Variants in FAM3B observed in about 807,000 individuals in gnomAD.
The protein encoded by FAM3B is protein FAM3B.
A neutral mutation model predicts 28.4 loss-of-function variants in FAM3B; 29 were observed. The ratio of observed to expected loss-of-function variants is 1.02; its 90% CI spans 0.76 to 1.39. The LOEUF (loss-of-function observed/expected upper bound fraction) is 1.39, where lower values mean the gene tolerates loss of function less well. Ranked by LOEUF, FAM3B falls within the 40% of genes most tolerant of loss-of-function variation. FAM3B has a pLI of 0.00. For synonymous variants in FAM3B, 91 were observed against 103.0 expected, an observed-to-expected ratio of 0.88 and a Z score of 0.71; for missense variants, 266 against 293.9, an observed-to-expected ratio of 0.91 and a Z score of 0.69.
chr21:41,311,251 A>AAAAATATATATAT (rs1555866518), intron 1 of FAM3B, among the ~76,000 whole-genome samples: 1 of 35,076 alleles, frequency 2.9e-5, no homozygotes, highest in African/African-American at 1.2e-4. Context: ...AAAAAAAAAA[A>AAAAATATATATAT]ATATATATAT....
chr21:41,352,907 T>G (rs2089134785), intron 7 of FAM3B, among the ~76,000 whole-genome samples: 1 of 152,210 alleles, frequency 6.6e-6, no homozygotes, highest in African/African-American at 2.4e-5. Flanking sequence ...TTGCACCAAC[T>G]TAATGGAAAT....
Position 41,344,475 on chromosome 21 carries a change from G to A in FAM3B, c.288-1G>A, listed in dbSNP as rs761755441. The A allele has an allele frequency of 8.1e-6, 13 of 1,613,936 alleles. No individual in the cohort carries two copies. Among genetic ancestry groups the A allele is most frequent in the Non-Finnish European group, 8.5e-7 (1 of 1,179,876 alleles). On this transcript the variant is annotated splice_acceptor_variant, in intron 3 of 7. Transcript: ENST00000357985. LOFTEE classifies it high-confidence loss of function. ...TTGACTAATGCTTAGCTCCATTTCA[G>A]ACTTATGGGAGAACAGCTGGGAAAT...
In FAM3B at chr21:41,326,580, G is replaced by A. The variant is rs1028912331; in HGVS notation, c.163+3514G>A. 6.6e-6 allele frequency among the ~76,000 whole-genome samples: 1 copy of A among 152,252 alleles called. No homozygotes were observed. The highest frequency in any genetic ancestry group is 1.5e-5 in the Non-Finnish European group (1 of 68,038). On this transcript the variant is annotated intron_variant, in intron 2 of 7. Coordinates refer to ENST00000357985, the MANE Select transcript of FAM3B (RefSeq NM_058186.4). This position sits in a 1 kb window ranked among gnomAD's most constrained non-coding sequence, Gnocchi z 4.0. The stretch of plus-strand genomic sequence containing the variant: ...TGCAAGTCTAGAAGCTGGGGAGGAG[G>A]CCATGCTCATGGCTGACGGGCTGCC...
At position 41,337,807 on chromosome 21, in the gene FAM3B, GGT is replaced by G. The variant is rs370833912; in HGVS notation, c.164-557_164-556del. 5.3e-5 allele frequency among the ~76,000 whole-genome samples: 8 copies of G among 151,072 alleles called. No homozygotes were observed. In the East Asian group the frequency reaches 5.8e-4, roughly 11 times the overall value. On this transcript the variant is annotated intron_variant, in intron 2 of 7. Coordinates refer to ENST00000357985, the MANE Select transcript of FAM3B (RefSeq NM_058186.4). ...TTGTGTGTGAATGTGTGCTGTATAT[GGT>G]GTGTGTGTGTGTGATACATCATGTG...
intron 3 of FAM3B, among the ~76,000 whole-genome samples, chr21:41,342,767 G>C (rs947138324): frequency 6.6e-6 from 1 of 152,192 alleles, no homozygotes; most frequent in East Asian, 1.9e-4. Context: ...GTTAAAGTCT[G>C]AGTTGGATAA....
chr21:41,314,341 G>C (rs2088732404), upstream of FAM3B, among the ~76,000 whole-genome samples: 1 of 152,204 alleles, frequency 6.6e-6, no homozygotes, highest in South Asian at 2.1e-4. Flanking sequence ...TAAGTCCCCA[G>C]AGTATAGTGT....
In FAM3B at chr21:41,357,414, T is replaced by C; in HGVS notation, c.*217T>C. ...GATGTCAATTAGCAGGAAACTAAAATGAATGGAAATTCTTAAAGGGAATGA... is the reference window on the plus strand; with the variant it reads ...GATGTCAATTAGCAGGAAACTAAAACGAATGGAAATTCTTAAAGGGAATGA... On this transcript the variant is annotated 3_prime_UTR_variant, in exon 8 of 8. Coordinates refer to ENST00000357985, the MANE Select transcript of FAM3B (RefSeq NM_058186.4). 3 of 392,558 alleles carry C rather than the reference T, an allele frequency of 7.6e-6. No homozygotes were observed. Among genetic ancestry groups the C allele is most frequent in the Non-Finnish European group, 1.4e-5 (3 of 212,496 alleles). The allele number at this position is 392,558 out of a possible 1,614,324, so 24.3% of individuals were successfully genotyped here. A position where few individuals can be genotyped will look rare whatever the true frequency, so the allele number is the denominator to read the frequency against.
chr21:41,307,735 A>G (rs867234220), intron 1 of FAM3B, among the ~76,000 whole-genome samples: 2 of 152,236 alleles, frequency 1.3e-5, no homozygotes, highest in South Asian at 2.1e-4. Context: ...GCCAAAGCAC[A>G]CACACATATA....
chr21:41,357,637 C>T lies in FAM3B; in HGVS notation c.*440C>T, dbSNP rs553849904. Among the ~76,000 whole-genome samples, 3 of 152,148 alleles carry T rather than the reference C, an allele frequency of 2.0e-5. No homozygotes were observed. The highest frequency in any genetic ancestry group is 7.2e-5 in the African/African-American group (3 of 41,428). ...GGAGAATTAGCAGCAGTTCAGGGGG[C>T]TTATGTTATGTCCTTGTTCAACTCA... On this transcript the variant is annotated 3_prime_UTR_variant, in exon 8 of 8. Coordinates refer to ENST00000357985, the MANE Select transcript of FAM3B (RefSeq NM_058186.4).
chr21:41,344,663 T>C, intron 4 of FAM3B, 129 bp downstream of exon 4: 1 of 660,188 alleles, frequency 1.5e-6, no homozygotes, highest in South Asian at 1.9e-5. Context: ...ATTTTAAGAT[T>C]ATATACTCAA....
intron 1 of FAM3B, among the ~76,000 whole-genome samples, chr21:41,317,514 C>T (rs1352921351): frequency 2.0e-5 from 3 of 152,204 alleles, no homozygotes; most frequent in Non-Finnish European, 4.4e-5. Context: ...TGTCACTTTC[C>T]TGTCACAGAC....
chr21:41,316,733 A>G (rs1201071061), upstream of FAM3B: 1 of 633,778 alleles, frequency 1.6e-6, no homozygotes, highest in East Asian at 3.8e-5. Flanking sequence ...CGCACCTGCC[A>G]TTTGCCCGAC....
chr21:41,346,640 C>G (rs2838017), intron 5 of FAM3B, among the ~76,000 whole-genome samples: 16,175 of 151,902 alleles, frequency 0.11, 927 homozygotes, highest in Middle Eastern at 0.14. Flanking sequence ...CAGGCTGCTG[C>G]TTGTTAAGAG....
intron 2 of FAM3B, among the ~76,000 whole-genome samples, chr21:41,325,973 G>T (rs1383145956): frequency 1.3e-5 from 2 of 152,210 alleles, no homozygotes; most frequent in Non-Finnish European, 2.9e-5. Context: ...GACTGAAACT[G>T]ATAGCAGAAG....
upstream of FAM3B, among the ~76,000 whole-genome samples, chr21:41,314,960 G>A (rs974941582): frequency 6.6e-6 from 1 of 152,098 alleles, no homozygotes; most frequent in African/African-American, 2.4e-5. Context: ...ATTGAAAGCA[G>A]GATCCAGAAG....
At chr21:41,349,926 C>G (rs1187210726) in intron 7 of FAM3B, among the ~76,000 whole-genome samples, 1 of 151,982 alleles carries the variant, frequency 6.6e-6, no homozygotes, top group African/African-American at 2.4e-5. Context: ...GGGGCCCTGG[C>G]CTCGACCCCT....
chr21:41,340,335 G>A (rs1436948395), intron 3 of FAM3B, among the ~76,000 whole-genome samples: 1 of 151,980 alleles, frequency 6.6e-6, no homozygotes, highest in East Asian at 1.9e-4. Flanking sequence ...TGTATTTTTA[G>A]TAGAGACAGG....
chr21:41,354,030 GA>G (rs1257434942), intron 7 of FAM3B, among the ~76,000 whole-genome samples: 1 of 152,122 alleles, frequency 6.6e-6, no homozygotes, highest in African/African-American at 2.4e-5. Context: ...ACAAGCATAT[GA>G]AAAAAAGCTC....
At chr21:41,323,187 G>A in intron 2 of FAM3B, 121 bp downstream of exon 2, 3 of 1,364,068 alleles carry the variant, frequency 2.2e-6, no homozygotes, top group East Asian at 2.3e-5. Context: ...GGAAGGAGGA[G>A]GAGAGAAGCA....
Sources: allele counts gnomAD v4.1 joint callset (sites outside exome capture counted in the v4.1 genomes callset), GRCh38; gene constraint gnomAD v4.1.1; non-coding constraint Gnocchi (gnomAD v3.1); transcripts MANE v1.5; gene names NCBI Gene and HGNC (gene_info 2026-07-23, HGNC 2026-07-21).